Variants in SCHIP1 observed in about 807,000 individuals in gnomAD.
SCHIP1 encodes schwannomin-interacting protein 1.
SCHIP1 carries 8 observed loss-of-function variants against 29.7 expected under a neutral mutation model. The ratio of observed to expected loss-of-function variants is 0.27; its 90% CI spans 0.16 to 0.49. The LOEUF (loss-of-function observed/expected upper bound fraction) is 0.49, where lower values mean the gene tolerates loss of function less well. Among genes scored for constraint, SCHIP1 ranks in the 20% least tolerant of loss-of-function variants. SCHIP1 has a pLI of 0.99. For missense variants in SCHIP1, 193 were observed against 294.6 expected (o/e 0.66, Z 2.52); for synonymous variants, 76 against 94.9 (o/e 0.80, Z 1.16).
At chr3:159,789,302 T>C in the SCHIP1 span, among the ~76,000 whole-genome samples, 11 of 152,338 alleles carry the variant, frequency 7.2e-5, 2 homozygotes, top group Non-Finnish European at 5.9e-5. Flanking sequence ...CTCTTTTCTC[T>C]TAATGTCATC....
At chr3:159,587,627 A>C in the SCHIP1 span, among the ~76,000 whole-genome samples, 1 of 150,458 alleles carries the variant, frequency 6.6e-6, no homozygotes. Flanking sequence ...CCCTTTCCCC[A>C]CCCCACAACA....
the SCHIP1 span, chr3:159,765,221 C>G: frequency 7.2e-7 from 1 of 1,395,226 alleles, no homozygotes. Flanking sequence ...TCCCTGCGCT[C>G]CCGCCCGCCC....
At chr3:159,781,725 A>G in the SCHIP1 span, among the ~76,000 whole-genome samples, 1 of 152,184 alleles carries the variant, frequency 6.6e-6, no homozygotes. Flanking sequence ...AATCACATCA[A>G]CACACATGGG....
At chr3:159,689,165 C>A in the SCHIP1 span, among the ~76,000 whole-genome samples, 1 of 152,088 alleles carries the variant, frequency 6.6e-6, no homozygotes, top group Non-Finnish European at 1.5e-5. Context: ...GGGAATACCA[C>A]TGAATCTACA....
At chr3:159,625,935 T>C in the SCHIP1 span, among the ~76,000 whole-genome samples, 1 of 151,876 alleles carries the variant, frequency 6.6e-6, no homozygotes, top group Non-Finnish European at 1.5e-5. Flanking sequence ...TCTGGTGGAA[T>C]AGGAAAAAGA....
chr3:159,496,582 A>G, the SCHIP1 span, among the ~76,000 whole-genome samples: 7 of 152,158 alleles, frequency 4.6e-5, no homozygotes, highest in African/African-American at 1.7e-4. Context: ...TTAGAATGGC[A>G]ATCATTAAAA....
At chr3:159,362,633 C>T in the SCHIP1 span, among the ~76,000 whole-genome samples, 1 of 152,208 alleles carries the variant, frequency 6.6e-6, no homozygotes, top group African/African-American at 2.4e-5. Flanking sequence ...CACTCCACCT[C>T]AATTGCCTGC....
the SCHIP1 span, among the ~76,000 whole-genome samples, chr3:159,404,314 G>C: frequency 6.6e-6 from 1 of 152,168 alleles, no homozygotes; most frequent in Non-Finnish European, 1.5e-5. Flanking sequence ...CAGTGGGGTA[G>C]AGGACCAAGT....
At chr3:159,470,037 A>G in the SCHIP1 span, among the ~76,000 whole-genome samples, 2,308 of 152,260 alleles carry the variant, frequency 0.015, 68 homozygotes, top group African/African-American at 0.054. Context: ...CTTGTTAGAC[A>G]TGAAAACCCA....
the SCHIP1 span, among the ~76,000 whole-genome samples, chr3:159,370,900 C>T: frequency 1.3e-5 from 2 of 152,164 alleles, no homozygotes; most frequent in Non-Finnish European, 2.9e-5. Context: ...GACTGAATTA[C>T]ACAACCAGTT....
At chr3:159,411,507 G>T in the SCHIP1 span, among the ~76,000 whole-genome samples, 1 of 152,028 alleles carries the variant, frequency 6.6e-6, no homozygotes, top group Non-Finnish European at 1.5e-5. Flanking sequence ...GTATCAATTG[G>T]AAAATAAGTC....
the SCHIP1 span, among the ~76,000 whole-genome samples, chr3:159,635,263 C>T: frequency 3.2e-4 from 49 of 152,220 alleles, no homozygotes; most frequent in Non-Finnish European, 5.7e-4. Flanking sequence ...GAGGAGCAGT[C>T]GGGCAGGAGC....
At chr3:159,774,807 G>A in the SCHIP1 span, among the ~76,000 whole-genome samples, 1 of 152,180 alleles carries the variant, frequency 6.6e-6, no homozygotes, top group Non-Finnish European at 1.5e-5. Flanking sequence ...CTGACTTTGT[G>A]TATCAGATTT....
chr3:159,538,606 C>A, the SCHIP1 span, among the ~76,000 whole-genome samples: 5 of 152,100 alleles, frequency 3.3e-5, no homozygotes, highest in African/African-American at 1.2e-4. Flanking sequence ...ATAGTGAAAG[C>A]ACAACCATAA....
the SCHIP1 span, among the ~76,000 whole-genome samples, chr3:159,599,156 C>A: frequency 6.6e-6 from 1 of 152,062 alleles, no homozygotes; most frequent in Non-Finnish European, 1.5e-5. Flanking sequence ...CATTCTATAT[C>A]TTTTAAGTGG....
At chr3:159,896,931 T>C (rs1185228719) in exon 7 of SCHIP1, 2 of 731,250 alleles carry the variant, frequency 2.7e-6, no homozygotes, top group Non-Finnish European at 4.0e-6. Flanking sequence ...CTTCTTAATT[T>C]ATTTTAATTT....
the SCHIP1 span, among the ~76,000 whole-genome samples, chr3:159,623,714 C>T: frequency 6.6e-6 from 1 of 152,142 alleles, no homozygotes; most frequent in Non-Finnish European, 1.5e-5. Context: ...TGTTCAGGTG[C>T]AGGCTGTAGG....
At chr3:159,572,283 C>T in the SCHIP1 span, among the ~76,000 whole-genome samples, 2 of 152,118 alleles carry the variant, frequency 1.3e-5, no homozygotes, top group African/African-American at 4.8e-5. Context: ...CCTCTAAACA[C>T]TGCTTTAGCT....
At chr3:159,618,341 T>C in the SCHIP1 span, among the ~76,000 whole-genome samples, 1 of 152,212 alleles carries the variant, frequency 6.6e-6, no homozygotes, top group Non-Finnish European at 1.5e-5. Flanking sequence ...GCTGGGTAGG[T>C]ATATTTGGCT....
Sources: gnomAD v4.1 joint callset for allele counts (sites outside exome capture counted in the v4.1 genomes callset) on GRCh38, gnomAD v4.1.1 for gene constraint, MANE v1.5 for transcripts, NCBI Gene and HGNC (gene_info 2026-07-23, HGNC 2026-07-21) for gene names.